The following LARGE1 variants were observed in gnomAD, a reference collection of about 807,000 sequenced individuals.
The protein encoded by LARGE1 is xylosyl- and glucuronyltransferase LARGE1.
In LARGE1, 43 loss-of-function variants were observed where a neutral mutation model predicts 87.6. The ratio of observed to expected loss-of-function variants is 0.49; its 90% CI spans 0.38 to 0.63. LARGE1 has a LOEUF of 0.63. Ranked by LOEUF, LARGE1 falls within the 30% of genes least tolerant of loss-of-function variation. The probability of loss-of-function intolerance (pLI) is 0.00; values close to 1 mark genes in which losing one functional copy is unlikely to be tolerated. For synonymous variants in LARGE1, 434 were observed against 394.6 expected (o/e 1.10, Z -1.18); for missense variants, 802 against 1,000.2 (o/e 0.80, Z 2.67).
chr22:33,907,620 C>T (rs1167008215), intron 1 of LARGE1, among the ~76,000 whole-genome samples: 1 of 151,102 alleles, frequency 6.6e-6, no homozygotes, highest in African/African-American at 2.4e-5. Flanking sequence ...GCTGGAGTAG[C>T]GCAGTGGCGC....
At chr22:33,432,455 G>A (rs2067111532) in intron 6 of LARGE1, among the ~76,000 whole-genome samples, 190 bp from the exon 7 acceptor site, 1 of 152,158 alleles carries the variant, frequency 6.6e-6, no homozygotes, top group African/African-American at 2.4e-5. Context: ...TCACCATTAG[G>A]CAGTCATTTT....
chr22:33,580,310 C>T (rs1204536367), intron 5 of LARGE1, among the ~76,000 whole-genome samples: 2 of 150,766 alleles, frequency 1.3e-5, no homozygotes, highest in Non-Finnish European at 2.9e-5. Context: ...GCGGAGGTTG[C>T]GGTGAGTCGA....
chr22:33,556,220 C>T (rs377333314), intron 6 of LARGE1, among the ~76,000 whole-genome samples: 1 of 152,002 alleles, frequency 6.6e-6, no homozygotes, highest in African/African-American at 2.4e-5. Context: ...TAGAATCTAG[C>T]GGTTAAGTGT....
intron 6 of LARGE1, among the ~76,000 whole-genome samples, chr22:33,437,918 G>A (rs2067330233): frequency 6.6e-6 from 1 of 152,150 alleles, no homozygotes; most frequent in Non-Finnish European, 1.5e-5. Flanking sequence ...GTGGGGGTAA[G>A]TGGGTGATAC....
intron 11 of LARGE1, among the ~76,000 whole-genome samples, chr22:33,184,967 A>C (rs1923398953): frequency 6.6e-6 from 1 of 152,174 alleles, no homozygotes; most frequent in African/African-American, 2.4e-5. Context: ...TGGGAATTCA[A>C]AATGGTACAG....
At chr22:33,364,482 A>T (rs1326520919) in intron 9 of LARGE1, among the ~76,000 whole-genome samples, 1 of 151,812 alleles carries the variant, frequency 6.6e-6, no homozygotes, top group African/African-American at 2.4e-5. Context: ...GCCTCTCCTT[A>T]CTCGGGGTTT....
intron 1 of LARGE1, among the ~76,000 whole-genome samples, chr22:33,913,836 CTGTGCCCAACCGAAAAGTCCT>C (rs1480668389): frequency 6.6e-5 from 10 of 152,274 alleles, no homozygotes; most frequent in Non-Finnish European, 1.5e-4. Context: ...GGGTGAGCCA[CTGTGCCCAACCGAAAAGTCCT>C]TGGTTTTGCA....
chr22:33,403,971 A>G (rs1175538332), intron 7 of LARGE1, among the ~76,000 whole-genome samples: 1 of 152,172 alleles, frequency 6.6e-6, no homozygotes, highest in Non-Finnish European at 1.5e-5. Context: ...GTTTTTCCTT[A>G]GACCAGTATC....
upstream of LARGE1, chr22:33,920,549 C>T (rs2065917673): frequency 6.9e-6 from 1 of 145,388 alleles, no homozygotes; most frequent in African/African-American, 2.5e-5. Flanking sequence ...CCCCCAGGGC[C>T]TGCGCCGCCC....
the LARGE1 span, among the ~76,000 whole-genome samples, chr22:33,068,279 A>G: frequency 6.6e-6 from 1 of 152,132 alleles, no homozygotes; most frequent in Non-Finnish European, 1.5e-5. Flanking sequence ...TTGAAATGGA[A>G]ATTCTTCTTC....
rs546664241 is a variant in LARGE1 at position 33,793,240 on chromosome 22, C to T, written c.-82-31682G>A. Among the ~76,000 whole-genome samples, 498 of 152,234 alleles carry T rather than the reference C, an allele frequency of 3.3e-3. 1 individual carries two copies. The highest frequency in any genetic ancestry group is 4.9e-3 in the African/African-American group (204 of 41,548). ...TCTCTCTCATCACCCTGGATCACAA[C>T]GGGGCTGTCAATTTTAAAAATATCA... On this transcript the variant is annotated intron_variant, in intron 1 of 14. Transcript: ENST00000397394.
At chr22:33,393,954 G>A (rs2065623983) in intron 7 of LARGE1, among the ~76,000 whole-genome samples, 1 of 152,098 alleles carries the variant, frequency 6.6e-6, no homozygotes, top group Admixed American at 6.6e-5. Flanking sequence ...AGAGGGCCAT[G>A]TTTTCTTTTT....
intron 6 of LARGE1, among the ~76,000 whole-genome samples, chr22:33,501,341 T>C (rs1187281580): frequency 3.3e-5 from 5 of 151,970 alleles, no homozygotes; most frequent in Non-Finnish European, 7.4e-5. Flanking sequence ...GACGCTGACT[T>C]GGGGAGAGGA....
chr22:33,740,268 C>T (rs995144027), intron 2 of LARGE1, among the ~76,000 whole-genome samples: 2 of 152,154 alleles, frequency 1.3e-5, no homozygotes, highest in Non-Finnish European at 2.9e-5. Context: ...TACTTAGGTG[C>T]CCCTTTTTCT....
intron 11 of LARGE1, among the ~76,000 whole-genome samples, chr22:33,204,763 G>A (rs1454770007): frequency 6.6e-6 from 1 of 151,994 alleles, no homozygotes; most frequent in Non-Finnish European, 1.5e-5. Context: ...CCTCAACTGT[G>A]TTCCCCTTGT....
rs1235764173 is a variant in LARGE1, at chr22:33,565,039, G to C, written c.616-20C>G. The stretch of plus-strand genomic sequence containing the variant: ...TTCAGACTAGACAGAACAAGGCAGA[G>C]AGAGAGTTGGAGAAAGGGAAAAAAA... On this transcript the variant is annotated intron_variant, in intron 5 of 14. Coordinates refer to ENST00000397394, the MANE Select transcript of LARGE1 (RefSeq NM_133642.5). 5 of 1,611,712 alleles carry C rather than the reference G, an allele frequency of 3.1e-6. No individual in the cohort carries two copies. The highest frequency in any genetic ancestry group is 4.2e-6 in the Non-Finnish European group (5 of 1,177,924).
At chr22:33,332,032 G>C (rs1209516515) in intron 10 of LARGE1, among the ~76,000 whole-genome samples, 1 of 152,066 alleles carries the variant, frequency 6.6e-6, no homozygotes, top group Non-Finnish European at 1.5e-5. Flanking sequence ...TCACTCAACA[G>C]TGACTGCAAG....
chr22:33,448,115 A>T (rs1476596560), intron 6 of LARGE1, among the ~76,000 whole-genome samples: 1 of 152,092 alleles, frequency 6.6e-6, no homozygotes, highest in African/African-American at 2.4e-5. Flanking sequence ...TGGAATGATT[A>T]TTTGGTGGGT....
chr22:33,309,715 G>C (rs1394865260), intron 11 of LARGE1, among the ~76,000 whole-genome samples: 1 of 152,206 alleles, frequency 6.6e-6, no homozygotes, highest in Non-Finnish European at 1.5e-5. Flanking sequence ...AAAAGTCTGG[G>C]GGGAAAGCTC....
Sources: allele counts gnomAD v4.1 joint callset (sites outside exome capture counted in the v4.1 genomes callset), GRCh38; gene constraint gnomAD v4.1.1; transcripts MANE v1.5; gene names NCBI Gene and HGNC (gene_info 2026-07-23, HGNC 2026-07-21).